The following ELL variants were observed in gnomAD, a reference collection of about 807,000 sequenced individuals.
ELL encodes the protein RNA polymerase II elongation factor ELL.
In ELL, 18 loss-of-function variants were observed where a neutral mutation model predicts 64.0. That is an observed-to-expected ratio of 0.28 (90% CI 0.19 to 0.42). The LOEUF is 0.42. Ranked by LOEUF, ELL falls within the 10% of genes least tolerant of loss-of-function variation. ELL has a pLI of 1.00. For synonymous variants in ELL, 399 were observed against 376.2 expected, an observed-to-expected ratio of 1.06 and a Z score of -0.70; for missense variants, 797 against 870.4, an observed-to-expected ratio of 0.92 and a Z score of 1.06.
At chr19:18,461,474 C>T (rs1435182589) in intron 5 of ELL, 104 bp downstream of exon 5, 4 of 1,504,954 alleles carry the variant, frequency 2.7e-6, no homozygotes, top group Non-Finnish European at 3.5e-6. Flanking sequence ...AAGGGCTCTT[C>T]CTTGCCAGTC....
At chr19:18,498,997 G>C (rs142354796) in intron 1 of ELL, among the ~76,000 whole-genome samples, 5 of 152,118 alleles carry the variant, frequency 3.3e-5, no homozygotes, top group African/African-American at 1.2e-4. Context: ...TGTGCACTAG[G>C]GACAAAGCTA....
At chr19:18,487,951 C>T (rs1015568080) in intron 1 of ELL, among the ~76,000 whole-genome samples, 9 of 152,338 alleles carry the variant, frequency 5.9e-5, no homozygotes, top group Admixed American at 5.2e-4. Flanking sequence ...AGACTCCAAC[C>T]TACCCTGACA....
At chr19:18,481,980 T>C (rs1020147936) in intron 1 of ELL, among the ~76,000 whole-genome samples, 1 of 152,158 alleles carries the variant, frequency 6.6e-6, no homozygotes, top group African/African-American at 2.4e-5. Flanking sequence ...CGGCAGCGAA[T>C]GAGAGTTCCT....
At chr19:18,490,113 G>C (rs970398420) in intron 1 of ELL, among the ~76,000 whole-genome samples, 1 of 152,124 alleles carries the variant, frequency 6.6e-6, no homozygotes, top group African/African-American at 2.4e-5. Context: ...TTCTCTCCTG[G>C]ACGCAATCTA....
At chr19:18,499,575 C>T (rs1975737286) in intron 1 of ELL, among the ~76,000 whole-genome samples, 1 of 152,156 alleles carries the variant, frequency 6.6e-6, no homozygotes, top group African/African-American at 2.4e-5. Flanking sequence ...GGAGATGGTC[C>T]CTCAGCCCAC....
intron 2 of ELL, among the ~76,000 whole-genome samples, chr19:18,466,805 G>A (rs1267527107): frequency 2.0e-5 from 3 of 152,200 alleles, no homozygotes; most frequent in Non-Finnish European, 4.4e-5. Flanking sequence ...CACAAGGAGG[G>A]GACAACATGG....
At chr19:18,462,210 GTGTGTGTGTGTA>G (rs1330854205) in intron 4 of ELL, among the ~76,000 whole-genome samples, 1,578 of 128,164 alleles carry the variant, frequency 0.012, 26 homozygotes, top group African/African-American at 0.038. Flanking sequence ...GTGTGTGTGT[GTGTGTGTGTGTA>G]TGTAATCACC....
intron 2 of ELL, among the ~76,000 whole-genome samples, chr19:18,467,280 A>G (rs1974959638): frequency 6.6e-6 from 1 of 152,004 alleles, no homozygotes; most frequent in Non-Finnish European, 1.5e-5. Context: ...CCCCTTCCCC[A>G]GGCTGAACAC....
At chr19:18,500,261 C>CAA (rs545592109) in intron 1 of ELL, among the ~76,000 whole-genome samples, 3 of 66,058 alleles carry the variant, frequency 4.5e-5, no homozygotes, top group African/African-American at 1.7e-4. Flanking sequence ...GACTCCGTCT[C>CAA]AAAAAAAAAA....
At chr19:18,496,511 C>A (rs1035625580) in intron 1 of ELL, among the ~76,000 whole-genome samples, 1 of 148,912 alleles carries the variant, frequency 6.7e-6, no homozygotes, top group Non-Finnish European at 1.5e-5. Flanking sequence ...AAAACCAGGT[C>A]AAGTGCAGGT....
chr19:18,450,681 G>T lies in ELL; in HGVS notation c.1261C>A (p.Pro421Thr). The T allele has an allele frequency of 6.3e-7, 1 of 1,586,614 alleles. No individual in the cohort carries two copies. Among genetic ancestry groups the T allele is most frequent in the Non-Finnish European group, 8.6e-7 (1 of 1,167,146 alleles). ...CEHGEAAAPA[P>T]TVRLGLPLLT... is the part of the protein sequence containing the mutation. ...AGGGGCAGGCCGAGGCGCACAGTGG[G>T]GGCTGGGGCAGCCGCCTCTCCGTGC... The change falls in exon 8 of 12, where the codon CCC (proline) becomes ACC (threonine). Residue 421 changes from proline (P) to threonine (T), a missense_variant. Transcript: ENST00000262809.
At chr19:18,488,529 G>A (rs1458522317) in intron 1 of ELL, among the ~76,000 whole-genome samples, 1 of 152,188 alleles carries the variant, frequency 6.6e-6, no homozygotes, top group Non-Finnish European at 1.5e-5. Flanking sequence ...TCTAGGGAGG[G>A]GCTGCATGCT....
intron 1 of ELL, among the ~76,000 whole-genome samples, chr19:18,506,235 C>T (rs1975881849): frequency 6.6e-6 from 1 of 152,222 alleles, no homozygotes; most frequent in South Asian, 2.1e-4. Flanking sequence ...CCTGCTGGCA[C>T]CGCCCCAGGC....
intron 6 of ELL, among the ~76,000 whole-genome samples, chr19:18,457,141 C>T (rs1974697767): frequency 1.3e-5 from 2 of 152,178 alleles, no homozygotes; most frequent in Non-Finnish European, 2.9e-5. Context: ...GCCCAGCAAG[C>T]TCACTCAGCA....
intron 2 of ELL, chr19:18,472,347 G>C (rs190807020): frequency 4.7e-4 from 72 of 154,518 alleles, no homozygotes; most frequent in African/African-American, 1.6e-3. Context: ...ATCCACCTCA[G>C]ATCAGGCATT....
At chr19:18,448,270 CCT>C (rs780591684) in intron 8 of ELL, 8 of 149,138 alleles carry the variant, frequency 5.4e-5, no homozygotes, top group Admixed American at 4.6e-4. Flanking sequence ...TGCACTATCC[CCT>C]GAGAGAGCAG....
chr19:18,485,923 T>G, intron 1 of ELL, among the ~76,000 whole-genome samples: 1 of 147,732 alleles, frequency 6.8e-6, no homozygotes. Flanking sequence ...GAGGCAGAGG[T>G]GGCAGTGAGC....
chr19:18,477,654 T>C (rs1975206560), intron 1 of ELL, among the ~76,000 whole-genome samples: 1 of 151,936 alleles, frequency 6.6e-6, no homozygotes, highest in South Asian at 2.1e-4. Flanking sequence ...AGACCACAAT[T>C]CCATGCCCAG....
rs780904150 is a variant in ELL at position 18,444,791 on chromosome 19, G to A, written c.1827C>T (p.Ile609=). 1.2e-5 allele frequency: 19 copies of A among 1,609,904 alleles called. No homozygotes were observed. Among genetic ancestry groups the A allele is most frequent in the East Asian group, 4.5e-5 (2 of 44,900 alleles). Reference sequence around the variant, plus strand: ...GCAGCTGCCGCTGGTCGTACTCGGCGATGAGCCTCTTGATGTGGGCCAGCT... The same window carrying A: ...GCAGCTGCCGCTGGTCGTACTCGGCAATGAGCCTCTTGATGTGGGCCAGCT... ...HSKLAHIKRL[I]AEYDQRQLQA... The change falls in exon 12 of 12, where the codon ATC becomes ATT. Residue 609 remains isoleucine (I), a synonymous_variant. Transcript: ENST00000262809.
Sources: allele counts gnomAD v4.1 joint callset (sites outside exome capture counted in the v4.1 genomes callset), GRCh38; gene constraint gnomAD v4.1.1; transcripts MANE v1.5; gene names NCBI Gene and HGNC (gene_info 2026-07-23, HGNC 2026-07-21).